Variants in CSDE1 observed in about 807,000 individuals in gnomAD.
The protein encoded by CSDE1 is cold shock domain-containing protein E1.
A neutral mutation model predicts 89.3 loss-of-function variants in CSDE1; 17 were observed. The ratio of observed to expected loss-of-function variants is 0.19; its 90% CI spans 0.13 to 0.29. The LOEUF (loss-of-function observed/expected upper bound fraction) is 0.29. Among genes scored for constraint, CSDE1 ranks in the 10% least tolerant of loss-of-function variants. CSDE1 has a pLI of 1.00. For synonymous variants in CSDE1, 322 were observed against 332.8 expected, an observed-to-expected ratio of 0.97 and a Z score of 0.35; for missense variants, 672 against 984.2, an observed-to-expected ratio of 0.68 and a Z score of 4.24.
intron 2 of CSDE1, among the ~76,000 whole-genome samples, chr1:114,744,348 G>A (rs1429164055): frequency 6.6e-6 from 1 of 152,086 alleles, no homozygotes; most frequent in Non-Finnish European, 1.5e-5. Flanking sequence ...TTGAGAGGCC[G>A]AGGTGGCAGA....
At chr1:114,737,866 G>A (rs975404142) in intron 4 of CSDE1, 97 bp downstream of exon 4, 25 of 852,688 alleles carry the variant, frequency 2.9e-5, no homozygotes, top group African/African-American at 5.1e-5. Context: ...GCTCTCTTTC[G>A]TGCAAACTGA....
chr1:114,745,830 T>C (rs1320367258), intron 2 of CSDE1, among the ~76,000 whole-genome samples: 2 of 152,212 alleles, frequency 1.3e-5, no homozygotes, highest in African/African-American at 2.4e-5. Flanking sequence ...AAGAAATTGA[T>C]TAAAGTTCCC....
At chr1:114,753,492 T>C (rs933472888) in intron 1 of CSDE1, among the ~76,000 whole-genome samples, 6 of 152,234 alleles carry the variant, frequency 3.9e-5, no homozygotes, top group African/African-American at 1.2e-4. Flanking sequence ...GGCAGTTTAA[T>C]ATAAATAGCT....
chr1:114,730,223 A>G lies in CSDE1; in HGVS notation c.1356+35T>C, dbSNP rs757237797. 8 of 1,603,172 alleles carry G rather than the reference A, an allele frequency of 5.0e-6. No individual in the cohort carries two copies. The South Asian group carries it at 8.9e-5, about 18-fold the overall frequency. On this transcript the variant is annotated intron_variant, in intron 12 of 19. Transcript: ENST00000358528. ...CTGTTAAAGCAGAAGAGAAATAAAC[A>G]GCTACAAAAATCATTTGGATTATGC...
intron 6 of CSDE1, among the ~76,000 whole-genome samples, chr1:114,734,727 T>C (rs1296186661): frequency 6.6e-6 from 1 of 152,216 alleles, no homozygotes; most frequent in African/African-American, 2.4e-5. Flanking sequence ...CCTTCTACGT[T>C]TGGCAAATAT....
At chr1:114,742,070 C>G (rs1039911616) in intron 2 of CSDE1, among the ~76,000 whole-genome samples, 1 of 152,076 alleles carries the variant, frequency 6.6e-6, no homozygotes, top group African/African-American at 2.4e-5. Context: ...TAAAAATGAG[C>G]TTTTATAAAT....
chr1:114,724,478 A>G (rs1229813185), intron 15 of CSDE1, among the ~76,000 whole-genome samples: 1 of 152,238 alleles, frequency 6.6e-6, no homozygotes, highest in East Asian at 1.9e-4. Context: ...CAATGAATAC[A>G]GGGATGTATC....
At position 114,720,539 on chromosome 1, in the gene CSDE1, C is replaced by T; in HGVS notation, c.2052G>A (p.Gln684=). 1 of 1,608,290 alleles carries T rather than the reference C, an allele frequency of 6.2e-7. No individual in the cohort carries two copies. Among genetic ancestry groups the T allele is most frequent in the Non-Finnish European group, 8.5e-7 (1 of 1,176,542 alleles). The change falls in exon 17 of 20, where the codon CAG becomes CAA. Residue 684 remains glutamine, a splice_region_variant and synonymous_variant. Transcript: ENST00000358528. ...CAGATACAGAGATGCTGGCACTTAC[C>T]TGATCTTTCACACATTCCACTGTGG... ...RRATVECVKD[Q]FGFINYEVGD... is the part of the protein sequence containing the mutation.
At chr1:114,735,388 T>C (rs80094577) in intron 6 of CSDE1, among the ~76,000 whole-genome samples, 4,008 of 152,294 alleles carry the variant, frequency 0.026, 93 homozygotes, top group Non-Finnish European at 0.034. Flanking sequence ...ATTCTACCTG[T>C]TTTTGTAACT....
intron 6 of CSDE1, among the ~76,000 whole-genome samples, 154 bp downstream of exon 6, chr1:114,736,604 A>G (rs894082316): frequency 6.8e-5 from 10 of 147,100 alleles, no homozygotes; most frequent in African/African-American, 2.7e-4. Flanking sequence ...CTGTAATACA[A>G]TATTCATAGA....
rs1409098390 is a variant in CSDE1 at position 114,739,672 on chromosome 1, A to T, written c.199+20T>A. 17 of 1,583,502 alleles carry T rather than the reference A, an allele frequency of 1.1e-5. No individual in the cohort carries two copies. Among genetic ancestry groups the T allele is most frequent in the Non-Finnish European group, 1.5e-5 (17 of 1,154,348 alleles). ...CAAATTTTGTGATTACATTTTTACAAAGGAGAACTGACAGATTACCTCCTA... is the reference window on the plus strand; with the variant it reads ...CAAATTTTGTGATTACATTTTTACATAGGAGAACTGACAGATTACCTCCTA... On this transcript the variant is annotated intron_variant, in intron 3 of 19. Coordinates refer to ENST00000358528, the MANE Select transcript of CSDE1 (RefSeq NM_001007553.3).
rs768523070 is a variant in CSDE1, at chr1:114,733,838, T to C, written c.731A>G (p.Asp244Gly). 6.2e-7 allele frequency: 1 copy of C among 1,613,966 alleles called. No homozygotes were observed. The highest frequency in any genetic ancestry group is 1.1e-5 in the South Asian group (1 of 91,090). The stretch of plus-strand genomic sequence containing the variant: ...TGTTCCTTGAGGCAATAGTCTGACA[T>C]CTGTTGCAACTTCTTTACCCTAAAT... The part of the protein sequence containing the change: ...KDRNGKEVAT[D>G]VRLLPQGTVI... The change falls in exon 9 of 20, where the codon GAT becomes GGT. Residue 244 changes from aspartate to glycine, a missense_variant. Coordinates refer to ENST00000358528, the MANE Select transcript of CSDE1 (RefSeq NM_001007553.3).
intron 2 of CSDE1, among the ~76,000 whole-genome samples, chr1:114,747,018 T>C (rs1396011503): frequency 6.6e-6 from 1 of 152,224 alleles, no homozygotes; most frequent in Non-Finnish European, 1.5e-5. Flanking sequence ...GTTTCAAGTA[T>C]GAAAATTATT....
intron 14 of CSDE1, among the ~76,000 whole-genome samples, 157 bp from the exon 15 acceptor site, chr1:114,725,490 A>G (rs1659742483): frequency 6.6e-6 from 1 of 152,246 alleles, no homozygotes. Context: ...TTAATCCTCA[A>G]GAATGCCCCA....
At chr1:114,752,992 G>A (rs1661387943) in intron 1 of CSDE1, among the ~76,000 whole-genome samples, 1 of 152,108 alleles carries the variant, frequency 6.6e-6, no homozygotes, top group Admixed American at 6.5e-5. Context: ...GCAAAAGGAC[G>A]CCACAATTCA....
At chr1:114,751,693 T>C (rs1190432460) in intron 1 of CSDE1, among the ~76,000 whole-genome samples, 2 of 142,468 alleles carry the variant, frequency 1.4e-5, no homozygotes, top group South Asian at 2.2e-4. Flanking sequence ...TGGGAAGCTT[T>C]AAAAAAAAAA....
chr1:114,719,923 A>G (rs1659417438), intron 17 of CSDE1, among the ~76,000 whole-genome samples, 181 bp from the exon 18 acceptor site: 1 of 152,226 alleles, frequency 6.6e-6, no homozygotes, highest in South Asian at 2.1e-4. Context: ...GCCATTCACT[A>G]TATCACAAAC....
Position 114,718,041 on chromosome 1 carries a change from G to A in CSDE1, c.*128C>T. On this transcript the variant is annotated 3_prime_UTR_variant, in exon 20 of 20. Coordinates refer to ENST00000358528, the MANE Select transcript of CSDE1 (RefSeq NM_001007553.3). Reference sequence around the variant, plus strand: ...ATAACACGAGGAAGGTGTTAAAACTGGTGTAATAGCTCAATAGAATAAGTA... The same window carrying A: ...ATAACACGAGGAAGGTGTTAAAACTAGTGTAATAGCTCAATAGAATAAGTA... 1.2e-6 allele frequency: 1 copy of A among 858,750 alleles called. No homozygotes were observed. Among genetic ancestry groups the A allele is most frequent in the Non-Finnish European group, 1.9e-6 (1 of 522,714 alleles). 53.2% of individuals were successfully genotyped at this position (858,750 alleles called of 1,614,324 possible).
intron 1 of CSDE1, among the ~76,000 whole-genome samples, chr1:114,752,827 CTTTG>C (rs1390356784): frequency 2.0e-5 from 3 of 152,216 alleles, no homozygotes; most frequent in East Asian, 1.9e-4. Context: ...AATTTCTGTA[CTTTG>C]TTTACTTCAT....
Sources: gnomAD v4.1 joint callset for allele counts (sites outside exome capture counted in the v4.1 genomes callset) on GRCh38, gnomAD v4.1.1 for gene constraint, MANE v1.5 for transcripts, NCBI Gene and HGNC (gene_info 2026-07-23, HGNC 2026-07-21) for gene names.